The following MEGF10 variants were observed in gnomAD, a reference collection of about 807,000 sequenced individuals.
MEGF10 encodes the protein multiple EGF like domains 10.
A neutral mutation model predicts 147.5 loss-of-function variants in MEGF10; 86 were observed. The ratio of observed to expected loss-of-function variants is 0.58; its 90% CI spans 0.49 to 0.70. The LOEUF (loss-of-function observed/expected upper bound fraction) is 0.70. Among genes scored for constraint, MEGF10 ranks in the 30% least tolerant of loss-of-function variants. The pLI, the probability that MEGF10 is intolerant of heterozygous loss-of-function variation, is 0.00. For synonymous variants in MEGF10, 478 were observed against 525.5 expected (o/e 0.91, Z 1.24); for missense variants, 1,329 against 1,487.3 (o/e 0.89, Z 1.75).
chr5:127,247,295 GGA>G, the MEGF10 span, among the ~76,000 whole-genome samples: 1 of 106,458 alleles, frequency 9.4e-6, no homozygotes, highest in African/African-American at 3.3e-5. Context: ...GGGGGGTGGG[GGA>G]GAGAGAGCGA....
At chr5:127,357,588 A>AAAATAAATAAATAAATAAATAAAT (rs71573990) in intron 4 of MEGF10, among the ~76,000 whole-genome samples, 1 of 132,604 alleles carries the variant, frequency 7.5e-6, no homozygotes, top group Non-Finnish European at 1.6e-5. Context: ...ACCCTGCCTC[A>AAAATAAATAAATAAATAAATAAAT]AAATAAATAA....
chr5:127,266,694 G>C, the MEGF10 span, among the ~76,000 whole-genome samples: 10 of 152,252 alleles, frequency 6.6e-5, no homozygotes, highest in East Asian at 1.7e-3. Context: ...TTGTGAATGG[G>C]AGTTCACTCA....
At chr5:127,431,659 G>A (rs1765390397) in intron 13 of MEGF10, among the ~76,000 whole-genome samples, 1 of 152,184 alleles carries the variant, frequency 6.6e-6, no homozygotes, top group African/African-American at 2.4e-5. Context: ...ATAAGCAGGT[G>A]TCCCCATCTT....
At chr5:127,329,943 G>GT (rs1390236864) in intron 1 of MEGF10, among the ~76,000 whole-genome samples, 1 of 152,078 alleles carries the variant, frequency 6.6e-6, no homozygotes, top group East Asian at 1.9e-4. Context: ...CTAGCATATC[G>GT]TATGTGTTCA....
At chr5:127,343,867 G>T (rs745570442) in intron 4 of MEGF10, among the ~76,000 whole-genome samples, 10 of 152,164 alleles carry the variant, frequency 6.6e-5, no homozygotes, top group Non-Finnish European at 1.3e-4. Context: ...CTATGATTGA[G>T]GAAGGGGAGC....
chr5:127,264,776 A>G, the MEGF10 span, among the ~76,000 whole-genome samples: 4 of 152,196 alleles, frequency 2.6e-5, no homozygotes, highest in Non-Finnish European at 4.4e-5. Context: ...TAGCTGCTTC[A>G]GAAAATGTGA....
At chr5:127,329,178 A>G (rs1455155632) in intron 1 of MEGF10, among the ~76,000 whole-genome samples, 1 of 152,196 alleles carries the variant, frequency 6.6e-6, no homozygotes, top group Non-Finnish European at 1.5e-5. Context: ...TTACAACTTC[A>G]TGATGCATGT....
At chr5:127,320,038 G>C (rs246886) in intron 1 of MEGF10, among the ~76,000 whole-genome samples, 74,069 of 152,040 alleles carry the variant, frequency 0.49, 18,967 homozygotes, top group Middle Eastern at 0.62. Flanking sequence ...TCTGCTAAAG[G>C]CTATGTTCAC....
intron 5 of MEGF10, among the ~76,000 whole-genome samples, chr5:127,376,981 CA>C (rs146347823): frequency 0.11 from 17,135 of 152,078 alleles, 1,058 homozygotes; most frequent in Non-Finnish European, 0.15. Context: ...GAGCAGGAGA[CA>C]GGGGCAGATG....
intron 4 of MEGF10, among the ~76,000 whole-genome samples, chr5:127,361,179 G>C (rs1762458553): frequency 6.6e-6 from 1 of 151,860 alleles, no homozygotes; most frequent in South Asian, 2.1e-4. Context: ...GGAATTGGAG[G>C]TTTTTTAAAA....
the MEGF10 span, among the ~76,000 whole-genome samples, chr5:127,249,227 C>T: frequency 6.6e-6 from 1 of 151,778 alleles, no homozygotes. Flanking sequence ...TGGGATTCTA[C>T]TGTTGGAAGA....
chr5:127,450,559 G>A (rs181306761), intron 22 of MEGF10, among the ~76,000 whole-genome samples: 2 of 152,184 alleles, frequency 1.3e-5, no homozygotes, highest in East Asian at 1.9e-4. Flanking sequence ...ATCCTTTCAC[G>A]TACATTTATT....
intron 5 of MEGF10, among the ~76,000 whole-genome samples, chr5:127,379,516 C>T (rs1763170967): frequency 1.3e-5 from 2 of 151,266 alleles, no homozygotes; most frequent in Admixed American, 1.3e-4. Context: ...ACACACTCGT[C>T]TTATTTTTGC....
At chr5:127,329,135 A>G (rs756384021) in intron 1 of MEGF10, among the ~76,000 whole-genome samples, 22 of 152,192 alleles carry the variant, frequency 1.4e-4, no homozygotes, top group Non-Finnish European at 2.9e-5. Flanking sequence ...CTTAAATGAA[A>G]TAGCTTCTTT....
At chr5:127,363,718 G>A (rs549895455) in intron 4 of MEGF10, among the ~76,000 whole-genome samples, 112 of 152,136 alleles carry the variant, frequency 7.4e-4, no homozygotes, top group Non-Finnish European at 1.3e-3. Flanking sequence ...GCCCTTAAAT[G>A]ACACGAAAGC....
chr5:127,442,717 C>A (rs1385657726), intron 18 of MEGF10, among the ~76,000 whole-genome samples: 2 of 152,204 alleles, frequency 1.3e-5, no homozygotes, highest in African/African-American at 4.8e-5. Flanking sequence ...ATTCCACAGA[C>A]TCTCCATATA....
the MEGF10 span, among the ~76,000 whole-genome samples, chr5:127,262,583 C>T: frequency 6.6e-6 from 1 of 152,150 alleles, no homozygotes; most frequent in Admixed American, 6.5e-5. Flanking sequence ...CCACATGCCT[C>T]CTTTTGTTCA....
chr5:127,265,286 A>G, the MEGF10 span, among the ~76,000 whole-genome samples: 1 of 152,196 alleles, frequency 6.6e-6, no homozygotes, highest in Non-Finnish European at 1.5e-5. Flanking sequence ...TCCATGGTGT[A>G]TATGTGCCAC....
At chr5:127,256,994 A>C in the MEGF10 span, among the ~76,000 whole-genome samples, 1 of 152,126 alleles carries the variant, frequency 6.6e-6, no homozygotes, top group African/African-American at 2.4e-5. Context: ...AGGGTATAGG[A>C]GTAAATGATT....
Sources: allele counts gnomAD v4.1 joint callset (sites outside exome capture counted in the v4.1 genomes callset), GRCh38; gene constraint gnomAD v4.1.1; transcripts MANE v1.5; gene names NCBI Gene and HGNC (gene_info 2026-07-23, HGNC 2026-07-21).